The following SPIDR variants were observed in gnomAD, a reference collection of about 807,000 sequenced individuals.
SPIDR encodes DNA repair-scaffolding protein.
In SPIDR, 93 loss-of-function variants were observed where a neutral mutation model predicts 104.6. The ratio of observed to expected loss-of-function variants is 0.89; its 90% confidence interval spans 0.75 to 1.06. The LOEUF is 1.06. Among genes scored for constraint, SPIDR ranks in the 50% least tolerant of loss-of-function variants. The pLI is 0.00. For synonymous variants in SPIDR, 431 were observed against 416.9 expected (o/e 1.03, Z -0.41); for missense variants, 1,154 against 1,111.2 (o/e 1.04, Z -0.55).
chr8:47,323,541 G>C (rs1388059414), intron 5 of SPIDR, among the ~76,000 whole-genome samples: 1 of 152,150 alleles, frequency 6.6e-6, no homozygotes, highest in Non-Finnish European at 1.5e-5. Context: ...GTCATCCTAG[G>C]CTCAGATCTC....
intron 8 of SPIDR, among the ~76,000 whole-genome samples, chr8:47,586,165 G>A (rs937360046): frequency 1.4e-4 from 22 of 151,948 alleles, no homozygotes; most frequent in African/African-American, 3.6e-4. Context: ...TGCCAGTTTG[G>A]GACTATTATT....
At chr8:47,428,525 C>T (rs1022627869) in intron 7 of SPIDR, among the ~76,000 whole-genome samples, 14 of 152,132 alleles carry the variant, frequency 9.2e-5, no homozygotes, top group Non-Finnish European at 1.5e-5. Context: ...TGGTGAGCTG[C>T]TTATTTAGCC....
At chr8:47,342,353 T>C (rs943608301) in intron 5 of SPIDR, among the ~76,000 whole-genome samples, 24 of 146,562 alleles carry the variant, frequency 1.6e-4, no homozygotes, top group Non-Finnish European at 4.5e-5. Context: ...TTTTTTTTTT[T>C]TGAGATGGAG....
chr8:47,658,505 G>A (rs1215199836), intron 10 of SPIDR, among the ~76,000 whole-genome samples: 1 of 152,010 alleles, frequency 6.6e-6, no homozygotes, highest in Admixed American at 6.5e-5. Flanking sequence ...TTTTATTTGT[G>A]TCTTCCTTAA....
rs539570500 is a variant in SPIDR at position 47,482,193 on chromosome 8, C to T, written c.1097+41651C>T. Among the ~76,000 whole-genome samples, 11 of 152,320 alleles carry T rather than the reference C, an allele frequency of 7.2e-5. No homozygotes were observed. In the South Asian group the frequency reaches 1.2e-3, roughly 17 times the overall value. On this transcript the variant is annotated intron_variant, in intron 8 of 19. Transcript: ENST00000297423. ...CTATGCTTTGAAATCTTCTCTCAAA[C>T]GCATATTCATTCCTATTTTTTGTAC...
At chr8:47,498,873 CA>C (rs1362893734) in intron 8 of SPIDR, among the ~76,000 whole-genome samples, 1 of 152,136 alleles carries the variant, frequency 6.6e-6, no homozygotes, top group Non-Finnish European at 1.5e-5. Flanking sequence ...ATTTTGATCC[CA>C]AATTCAGTGT....
rs187460724 is a variant in SPIDR at position 47,320,267 on chromosome 8, T to C, written c.525+26237T>C. Among the ~76,000 whole-genome samples the C allele has an allele frequency of 1.4e-4, 22 of 152,114 alleles. No homozygotes were observed. In the East Asian group the frequency reaches 4.3e-3, roughly 29 times the overall value. On this transcript the variant is annotated intron_variant, in intron 5 of 19. Coordinates refer to ENST00000297423, the MANE Select transcript of SPIDR (RefSeq NM_001080394.4). The stretch of plus-strand genomic sequence containing the variant: ...GCAATAAAAAATGATAAAGGAGATA[T>C]CACCACTAATCCCACAGAAATACAA...
At chr8:47,727,149 C>A in intron 16 of SPIDR, 51 bp from the exon 17 acceptor site, 2 of 1,549,610 alleles carry the variant, frequency 1.3e-6, no homozygotes, top group South Asian at 1.1e-5. Context: ...GCAGAGGAGT[C>A]AGAGAGGGCA....
intron 11 of SPIDR, among the ~76,000 whole-genome samples, chr8:47,676,473 A>G (rs551685373): frequency 1.3e-5 from 2 of 151,836 alleles, no homozygotes; most frequent in South Asian, 4.2e-4. Context: ...ATTGCTTATT[A>G]GTGACATCAT....
chr8:47,458,062 C>T (rs1219965542), intron 8 of SPIDR, among the ~76,000 whole-genome samples: 1 of 152,014 alleles, frequency 6.6e-6, no homozygotes, highest in African/African-American at 2.4e-5. Flanking sequence ...CTTAGTCTTG[C>T]TTTGGCTATG....
intron 10 of SPIDR, among the ~76,000 whole-genome samples, chr8:47,665,995 CTCT>C (rs764573948): frequency 1.3e-5 from 2 of 151,936 alleles, no homozygotes; most frequent in Non-Finnish European, 1.5e-5. Context: ...TTGAAATAAC[CTCT>C]TATTTATTTA....
At chr8:47,722,508 C>T (rs1403108917) in intron 16 of SPIDR, among the ~76,000 whole-genome samples, 2 of 152,184 alleles carry the variant, frequency 1.3e-5, no homozygotes, top group African/African-American at 4.8e-5. Flanking sequence ...TTTGTTCTTC[C>T]ATTTGCTGGA....
intron 8 of SPIDR, among the ~76,000 whole-genome samples, chr8:47,446,508 A>G (rs782680183): frequency 6.6e-6 from 1 of 151,926 alleles, no homozygotes; most frequent in Non-Finnish European, 1.5e-5. Flanking sequence ...CACAACATCC[A>G]TTCTGTAACC....
At chr8:47,504,404 C>A (rs188128253) in intron 8 of SPIDR, among the ~76,000 whole-genome samples, 140 of 152,260 alleles carry the variant, frequency 9.2e-4, no homozygotes, top group African/African-American at 3.3e-3. Flanking sequence ...ATCACTGATA[C>A]CCTTTCTTCT....
chr8:47,490,439 G>T (rs554799963), intron 8 of SPIDR, among the ~76,000 whole-genome samples: 1 of 152,194 alleles, frequency 6.6e-6, no homozygotes, highest in Admixed American at 6.5e-5. Context: ...ACAGTGTGGC[G>T]ATTCCTCAAG....
intron 5 of SPIDR, among the ~76,000 whole-genome samples, chr8:47,369,187 C>T (rs2057665015): frequency 6.6e-6 from 1 of 152,188 alleles, no homozygotes. Context: ...TGTTCTTCCC[C>T]TCTGTCCCTT....
Position 47,438,942 on chromosome 8 carries a change from C to A in SPIDR, c.878-1381C>A, listed in dbSNP as rs977410415. Among the ~76,000 whole-genome samples the A allele has an allele frequency of 4.6e-5, 7 of 152,180 alleles. 1 individual carries two copies. Among genetic ancestry groups the A allele is most frequent in the Non-Finnish European group, 8.8e-5 (6 of 68,038 alleles). On this transcript the variant is annotated intron_variant, in intron 7 of 19. Transcript: ENST00000297423. Reference sequence around the variant, plus strand: ...AGCACCGTCTAAATATTAATTTTTACTATTCACTATTAACCTAGTTGGCTG... The same window carrying A: ...AGCACCGTCTAAATATTAATTTTTAATATTCACTATTAACCTAGTTGGCTG...
chr8:47,675,302 C>T (rs2076280464), intron 11 of SPIDR, among the ~76,000 whole-genome samples: 1 of 152,200 alleles, frequency 6.6e-6, no homozygotes, highest in African/African-American at 2.4e-5. Flanking sequence ...TCCCAAAGTG[C>T]TGGGATTACA....
At chr8:47,611,931 G>C (rs570021886) in intron 10 of SPIDR, among the ~76,000 whole-genome samples, 1 of 152,268 alleles carries the variant, frequency 6.6e-6, no homozygotes, top group South Asian at 2.1e-4. Flanking sequence ...GGTAGCTTGT[G>C]GGGAGAGACT....
Sources: gnomAD v4.1 joint callset for allele counts (sites outside exome capture counted in the v4.1 genomes callset) on GRCh38, gnomAD v4.1.1 for gene constraint, MANE v1.5 for transcripts, NCBI Gene and HGNC (gene_info 2026-07-23, HGNC 2026-07-21) for gene names.